CDYL: variants seen among roughly 807,000 people sequenced by gnomAD.
CDYL encodes the protein chromodomain Y-like protein.
In CDYL, 8 loss-of-function variants were observed where a neutral mutation model predicts 47.3. That is an observed-to-expected ratio of 0.17 (90% CI 0.10 to 0.31). CDYL has a LOEUF of 0.31. CDYL is among the 10% of genes least tolerant of loss of function. The probability of loss-of-function intolerance (pLI) is 1.00; values close to 1 mark genes in which losing one functional copy is unlikely to be tolerated. For synonymous variants in CDYL, 266 were observed against 265.0 expected (o/e 1.00, Z -0.04); for missense variants, 471 against 701.4 (o/e 0.67, Z 3.71).
chr6:4,929,862 T>A (rs1757984899), intron 2 of CDYL, among the ~76,000 whole-genome samples: 1 of 151,820 alleles, frequency 6.6e-6, no homozygotes, highest in South Asian at 2.1e-4. Flanking sequence ...CTGGTCCTAT[T>A]TTCCCACTTT....
rs370862716 is a variant in CDYL, at chr6:4,892,003, C to T, written c.315C>T (p.His105=). 2.2e-5 allele frequency: 36 copies of T among 1,614,062 alleles called. No individual in the cohort carries two copies. The highest frequency in any genetic ancestry group is 2.7e-5 in the Non-Finnish European group (32 of 1,180,048). ...AGGCACTCGTGATTGGGAAAGACCA[C>T]GAATCCAAAAACAGCCAGCTGTTTG... ...SPKALVIGKD[H]ESKNSQLFAA... The change falls in exon 2 of 7, where the codon CAC becomes CAT. Residue 105 remains histidine (H), a synonymous_variant. Transcript: ENST00000397588.
At chr6:4,746,468 A>C (rs1442631656) in intron 3 of CDYL, among the ~76,000 whole-genome samples, 1 of 152,164 alleles carries the variant, frequency 6.6e-6, no homozygotes, top group African/African-American at 2.4e-5. Context: ...GCAGTGATGA[A>C]ATGGTGAGAC....
Position 4,776,636 on chromosome 6 carries a change from C to CA in CDYL, c.-146dup. ...GCCGGCCCGCACTGGCCGCGGAGTG[C>CA]AAGAGGCTCGTCCGTGCCCAGCGCC... On this transcript the variant is annotated 5_prime_UTR_variant, in exon 1 of 7. Coordinates refer to ENST00000397588, the MANE Select transcript of CDYL (RefSeq NM_004824.4). The CA allele has an allele frequency of 7.1e-6, 4 of 560,654 alleles. No individual in the cohort carries two copies. The highest frequency in any genetic ancestry group is 1.0e-5 in the Non-Finnish European group (4 of 395,884). The allele number at this position is 560,654 out of a possible 1,614,324, so 34.7% of individuals were successfully genotyped here.
intron 1 of CDYL, among the ~76,000 whole-genome samples, chr6:4,869,346 T>C (rs1291768783): frequency 6.6e-6 from 1 of 152,198 alleles, no homozygotes; most frequent in Non-Finnish European, 1.5e-5. Flanking sequence ...TCCACTCGCC[T>C]TGGCCTCCCA....
intron 2 of CDYL, among the ~76,000 whole-genome samples, chr6:4,719,834 CT>C: frequency 6.6e-6 from 1 of 152,172 alleles, no homozygotes; most frequent in East Asian, 1.9e-4. Context: ...TCTCTTGCCA[CT>C]TTCCCCAAAA....
At chr6:4,792,921 T>A (rs1241840780) in intron 1 of CDYL, among the ~76,000 whole-genome samples, 1 of 152,176 alleles carries the variant, frequency 6.6e-6, no homozygotes, top group Admixed American at 6.5e-5. Flanking sequence ...AGGCACTGTT[T>A]AGTAAATAGA....
intron 1 of CDYL, among the ~76,000 whole-genome samples, chr6:4,707,381 G>A (rs781550933): frequency 5.9e-5 from 9 of 152,308 alleles, no homozygotes; most frequent in Non-Finnish European, 7.3e-5. Flanking sequence ...GGGTTCAAGC[G>A]ATTCTCCTGC....
chr6:4,713,267 G>A (rs1242312850), intron 1 of CDYL, among the ~76,000 whole-genome samples: 1 of 152,082 alleles, frequency 6.6e-6, no homozygotes, highest in Non-Finnish European at 1.5e-5. Context: ...TGCTCTACCC[G>A]GCATCTCCTT....
At chr6:4,881,053 T>C (rs1441254775) in intron 1 of CDYL, among the ~76,000 whole-genome samples, 1 of 152,214 alleles carries the variant, frequency 6.6e-6, no homozygotes, top group Non-Finnish European at 1.5e-5. Context: ...TGTCTTTATG[T>C]GGCATCATTT....
intron 1 of CDYL, among the ~76,000 whole-genome samples, chr6:4,878,676 T>C (rs1761682261): frequency 6.6e-6 from 1 of 152,128 alleles, no homozygotes; most frequent in African/African-American, 2.4e-5. Context: ...ATTTCCAGAC[T>C]GTTTTGACTT....
In CDYL at chr6:4,908,114, T is replaced by C. The variant is rs144111369; in HGVS notation, c.691+15735T>C. Among the ~76,000 whole-genome samples the C allele has an allele frequency of 1.1e-4, 17 of 152,306 alleles. No homozygotes were observed. In the East Asian group the frequency reaches 3.1e-3, roughly 28 times the overall value. ...AAACACATGGAAAATTCTAGCACCC[T>C]AGTTAGAGGAACACTGCATGACAAG... On this transcript the variant is annotated intron_variant, in intron 2 of 6. Transcript: ENST00000397588.
At chr6:4,757,467 A>G (rs1207970693) in intron 3 of CDYL, among the ~76,000 whole-genome samples, 1 of 152,140 alleles carries the variant, frequency 6.6e-6, no homozygotes, top group Non-Finnish European at 1.5e-5. Context: ...AATGTCACAG[A>G]TCCATATTAC....
chr6:4,816,297 A>G lies in CDYL; in HGVS notation c.24+39490A>G, dbSNP rs1759674758. 2.0e-5 allele frequency among the ~76,000 whole-genome samples: 3 copies of G among 149,626 alleles called. 1 individual carries two copies. In the South Asian group the frequency reaches 6.3e-4, roughly 31 times the overall value. On this transcript the variant is annotated intron_variant, in intron 1 of 6. Coordinates refer to ENST00000397588, the MANE Select transcript of CDYL (RefSeq NM_004824.4). ...TTCTCTTGATTATTTTTGTGTATGT[A>G]GGTTGACTTTAAGAGTTTTATTTTG...
chr6:4,741,926 G>A (rs183657814), intron 3 of CDYL, among the ~76,000 whole-genome samples: 127 of 152,316 alleles, frequency 8.3e-4, no homozygotes, highest in African/African-American at 2.8e-3. Context: ...GAATCTCTAG[G>A]TGATGTGCTC....
intron 1 of CDYL, among the ~76,000 whole-genome samples, chr6:4,886,962 C>T (rs1487421428): frequency 2.6e-5 from 4 of 152,112 alleles, no homozygotes; most frequent in African/African-American, 9.7e-5. Context: ...TTATTCTTTT[C>T]CCCATGGAAT....
intron 1 of CDYL, among the ~76,000 whole-genome samples, chr6:4,810,738 C>G (rs1201170410): frequency 3.3e-5 from 5 of 152,220 alleles, no homozygotes; most frequent in Non-Finnish European, 7.4e-5. Flanking sequence ...GGGCTGCTCT[C>G]TGCCCTTCTC....
intron 1 of CDYL, among the ~76,000 whole-genome samples, chr6:4,840,156 A>AT (rs772824930): frequency 2.6e-4 from 39 of 147,854 alleles, no homozygotes; most frequent in South Asian, 6.5e-4. Flanking sequence ...ACTCCTAAGC[A>AT]TTTTTTTTTC....
At chr6:4,822,767 A>G (rs1273072995) in intron 1 of CDYL, among the ~76,000 whole-genome samples, 2 of 152,184 alleles carry the variant, frequency 1.3e-5, no homozygotes, top group Non-Finnish European at 2.9e-5. Context: ...ATTTTCAGTG[A>G]GTTTTCAGAT....
intron 1 of CDYL, among the ~76,000 whole-genome samples, chr6:4,819,130 C>CTT (rs1171522461): frequency 9.7e-5 from 13 of 134,478 alleles, no homozygotes; most frequent in African/African-American, 3.9e-4. Context: ...CTCTCTCTCT[C>CTT]TCTCTCTCTC....
Sources: allele counts gnomAD v4.1 joint callset (sites outside exome capture counted in the v4.1 genomes callset), GRCh38; gene constraint gnomAD v4.1.1; transcripts MANE v1.5; gene names NCBI Gene and HGNC (gene_info 2026-07-23, HGNC 2026-07-21).